SPRR2G: variants seen among roughly 807,000 people sequenced by gnomAD.
The protein encoded by SPRR2G is small proline-rich protein 2G.
SPRR2G carries 1 observed loss-of-function variant against 0.7 expected under a neutral mutation model. That is an observed-to-expected ratio of 1.49 (90% CI 0.53 to 7.06). The LOEUF (loss-of-function observed/expected upper bound fraction) is 7.06, where lower values mean the gene tolerates loss of function less well. Ranked by LOEUF, SPRR2G falls within the 30% of genes most tolerant of loss-of-function variation. The pLI, the probability that SPRR2G is intolerant of heterozygous loss-of-function variation, is 0.14. For synonymous variants in SPRR2G, 38 were observed against 33.9 expected (o/e 1.12, Z -0.42); for missense variants, 96 against 88.5 (o/e 1.09, Z -0.34).
the SPRR2G span, among the ~76,000 whole-genome samples, chr1:153,169,024 C>A: frequency 6.6e-6 from 1 of 152,020 alleles, no homozygotes; most frequent in Non-Finnish European, 1.5e-5. Flanking sequence ...TAAGTGGACC[C>A]GCTCTTGGCC....
At chr1:153,201,963 T>G in the SPRR2G span, among the ~76,000 whole-genome samples, 9 of 152,214 alleles carry the variant, frequency 5.9e-5, no homozygotes, top group African/African-American at 2.2e-4. Flanking sequence ...TCAGCTCTCA[T>G]TAAAAGTAAT....
chr1:153,175,262 T>G, the SPRR2G span, among the ~76,000 whole-genome samples: 1 of 152,224 alleles, frequency 6.6e-6, no homozygotes, highest in Admixed American at 6.5e-5. Context: ...GCCAAAATGA[T>G]CTTTCAAAAA....
chr1:153,196,683 T>C, the SPRR2G span, among the ~76,000 whole-genome samples: 7 of 152,230 alleles, frequency 4.6e-5, no homozygotes, highest in African/African-American at 1.7e-4. Context: ...GTCCCCCAAA[T>C]TTCCTGACTT....
At chr1:153,159,153 C>T in the SPRR2G span, among the ~76,000 whole-genome samples, 1 of 152,210 alleles carries the variant, frequency 6.6e-6, no homozygotes, top group South Asian at 2.1e-4. Flanking sequence ...AATTTCAAAT[C>T]ATATCTTTGT....
chr1:153,196,355 C>T, the SPRR2G span, among the ~76,000 whole-genome samples: 2 of 152,162 alleles, frequency 1.3e-5, no homozygotes, highest in Admixed American at 1.3e-4. Context: ...GCATAATGTC[C>T]TCAAGGGCCA....
At chr1:153,191,809 G>A in the SPRR2G span, 1 of 152,168 alleles carries the variant, frequency 6.6e-6, no homozygotes, top group Non-Finnish European at 1.5e-5. Context: ...AAGTCTCAAA[G>A]GGTTGAGGAC....
the SPRR2G span, among the ~76,000 whole-genome samples, chr1:153,164,681 G>A: frequency 4.6e-5 from 7 of 152,072 alleles, no homozygotes; most frequent in South Asian, 2.1e-4. Flanking sequence ...TACCTAATAC[G>A]ATTCCTAAAC....
At chr1:153,153,025 TA>T (rs1233373017), upstream of SPRR2G, among the ~76,000 whole-genome samples, 1 of 152,180 alleles carries the variant, frequency 6.6e-6, no homozygotes, top group Non-Finnish European at 1.5e-5. Context: ...TTTTCACAAA[TA>T]ATGGGCACTT....
the SPRR2G span, among the ~76,000 whole-genome samples, chr1:153,178,059 T>A: frequency 1.2e-4 from 18 of 152,278 alleles, no homozygotes; most frequent in African/African-American, 4.1e-4. Flanking sequence ...CAAATTTTTG[T>A]TAAATATATT....
At chr1:153,167,293 G>A in the SPRR2G span, among the ~76,000 whole-genome samples, 1 of 151,640 alleles carries the variant, frequency 6.6e-6, no homozygotes, top group African/African-American at 2.4e-5. Context: ...TGACCAACAT[G>A]GAGAAATCCC....
chr1:153,198,305 A>G, the SPRR2G span, among the ~76,000 whole-genome samples: 2 of 152,184 alleles, frequency 1.3e-5, no homozygotes, highest in African/African-American at 2.4e-5. Context: ...TGTTGACCCA[A>G]CCAAGAGCCT....
At chr1:153,174,640 C>A in the SPRR2G span, 1 of 152,386 alleles carries the variant, frequency 6.6e-6, no homozygotes, top group South Asian at 2.1e-4. Context: ...GACTGCAAAA[C>A]AGACTGTGAG....
At chr1:153,165,534 C>A in the SPRR2G span, among the ~76,000 whole-genome samples, 4,074 of 152,174 alleles carry the variant, frequency 0.027, 179 homozygotes, top group African/African-American at 0.093. Context: ...ACTCAGGGAC[C>A]ATTGTTCTAA....
chr1:153,175,456 T>C, the SPRR2G span, among the ~76,000 whole-genome samples: 1 of 152,296 alleles, frequency 6.6e-6, no homozygotes, highest in African/African-American at 2.4e-5. Context: ...CTGGTCTCTC[T>C]ATTCCCGATA....
chr1:153,182,726 CT>C, the SPRR2G span, among the ~76,000 whole-genome samples: 1 of 152,106 alleles, frequency 6.6e-6, no homozygotes, highest in Non-Finnish European at 1.5e-5. Context: ...TGAACTCATT[CT>C]TTTTTATGGC....
chr1:153,156,397 T>A, the SPRR2G span, among the ~76,000 whole-genome samples: 1 of 152,216 alleles, frequency 6.6e-6, no homozygotes, highest in East Asian at 1.9e-4. Flanking sequence ...CCAATGCATG[T>A]GATTGCTGAA....
chr1:153,150,182 G>A, intron 1 of SPRR2G, 51 bp from the exon 2 acceptor site: 1 of 1,597,448 alleles, frequency 6.3e-7, no homozygotes, highest in Non-Finnish European at 8.5e-7. Flanking sequence ...TCCTGTTGGT[G>A]GAGCAATTAG....
chr1:153,158,041 G>T, the SPRR2G span, among the ~76,000 whole-genome samples: 3 of 152,154 alleles, frequency 2.0e-5, no homozygotes, highest in Non-Finnish European at 4.4e-5. Context: ...TTCGAGATGA[G>T]ATTTGGGTGG....
the SPRR2G span, chr1:153,176,705 A>T: frequency 1.3e-5 from 2 of 152,184 alleles, no homozygotes; most frequent in Non-Finnish European, 2.9e-5. Flanking sequence ...GCATTTATCA[A>T]GGGGCGAGAT....
Sources: allele counts gnomAD v4.1 joint callset (sites outside exome capture counted in the v4.1 genomes callset), GRCh38; gene constraint gnomAD v4.1.1; transcripts MANE v1.5; gene names NCBI Gene and HGNC (gene_info 2026-07-23, HGNC 2026-07-21).